The following VTI1A variants were observed in gnomAD, a reference collection of about 807,000 sequenced individuals.
The protein encoded by VTI1A is vesicle transport through interaction with t-SNAREs 1A.
In VTI1A, 22 loss-of-function variants were observed where a neutral mutation model predicts 34.9. The ratio of observed to expected loss-of-function variants is 0.63; its 90% CI spans 0.45 to 0.90. VTI1A has a LOEUF of 0.90. VTI1A is among the 40% of genes least tolerant of loss of function. The probability of loss-of-function intolerance (pLI) is 0.00; values close to 1 mark genes in which losing one functional copy is unlikely to be tolerated. For synonymous variants in VTI1A, 87 were observed against 97.3 expected, an observed-to-expected ratio of 0.89 and a Z score of 0.62; for missense variants, 268 against 275.6, an observed-to-expected ratio of 0.97 and a Z score of 0.20.
At chr10:112,598,685 A>G (rs996972524) in intron 5 of VTI1A, among the ~76,000 whole-genome samples, 2 of 152,232 alleles carry the variant, frequency 1.3e-5, no homozygotes, top group African/African-American at 2.4e-5. Context: ...ATGGAGAACA[A>G]TGGGGACCAA....
At position 112,679,535 on chromosome 10, in the gene VTI1A, G is replaced by A. The variant is rs76846506; in HGVS notation, c.560+10537G>A. Among the ~76,000 whole-genome samples the A allele has an allele frequency of 9.0e-3, 1,364 of 151,872 alleles. 26 individuals are homozygous for A. The highest frequency in any genetic ancestry group is 0.03 in the African/African-American group (1,261 of 41,418). On this transcript the variant is annotated intron_variant, in intron 7 of 7. Transcript: ENST00000393077. ...TCAGTGTTCTTTTAAAAAGGCTAAT[G>A]ACTTCTTTTGCAAAGTTATGTGAAG...
intron 5 of VTI1A, among the ~76,000 whole-genome samples, chr10:112,552,434 AAACC>A (rs200076397): frequency 6.6e-6 from 1 of 151,732 alleles, no homozygotes; most frequent in African/African-American, 2.4e-5. Context: ...TGAAACCAAC[AAACC>A]AACCAACCAA....
chr10:112,745,529 C>T (rs1462806954), intron 7 of VTI1A, among the ~76,000 whole-genome samples: 1 of 152,126 alleles, frequency 6.6e-6, no homozygotes, highest in Admixed American at 6.5e-5. Flanking sequence ...TGACCATCTC[C>T]AGCTCAACAC....
chr10:112,797,435 CCAAA>C (rs1852711231), intron 7 of VTI1A, among the ~76,000 whole-genome samples: 1 of 152,132 alleles, frequency 6.6e-6, no homozygotes, highest in East Asian at 1.9e-4. Context: ...TGTAAATCCC[CCAAA>C]CAAAGGGGAC....
chr10:112,737,890 C>T (rs1850553053), intron 7 of VTI1A: 1 of 1,062,434 alleles, frequency 9.4e-7, no homozygotes, highest in Non-Finnish European at 1.1e-6. Context: ...CGATGCCTTT[C>T]AGCGAGTGTG....
Position 112,751,063 on chromosome 10 carries a change from C to CTTTTATAT in VTI1A, c.561-64226_561-64225insTTTATATT, listed in dbSNP as rs1407695024. Among the ~76,000 whole-genome samples the CTTTTATAT allele has an allele frequency of 4.4e-4, 67 of 152,094 alleles. 1 individual carries two copies. Among genetic ancestry groups the CTTTTATAT allele is most frequent in the African/African-American group, 1.6e-3 (67 of 41,394 alleles). On this transcript the variant is annotated intron_variant, in intron 7 of 7. Transcript: ENST00000393077. ...TGTTCTCTTCCTTTTATATTGCCTC[C>CTTTTATAT]TGGATTTGGGTTGTTTTCCTTTATC... is the stretch of plus-strand genomic sequence containing the variant.
chr10:112,477,444 T>C (rs1248120160), intron 3 of VTI1A, among the ~76,000 whole-genome samples: 1 of 152,230 alleles, frequency 6.6e-6, no homozygotes, highest in Non-Finnish European at 1.5e-5. Flanking sequence ...CAGGTCAAGC[T>C]CCATCAAAGA....
At chr10:112,815,070 G>A (rs904375695) in intron 7 of VTI1A, among the ~76,000 whole-genome samples, 2 of 151,754 alleles carry the variant, frequency 1.3e-5, no homozygotes, top group African/African-American at 4.8e-5. Context: ...TGACAATCAT[G>A]TGGAGCCTTT....
chr10:112,627,177 T>C (rs1845953740), intron 5 of VTI1A, among the ~76,000 whole-genome samples: 1 of 152,206 alleles, frequency 6.6e-6, no homozygotes, highest in South Asian at 2.1e-4. Flanking sequence ...TACCCAACCC[T>C]ATTCAGAATC....
the VTI1A span, among the ~76,000 whole-genome samples, chr10:112,837,600 G>T: frequency 5.3e-5 from 8 of 152,184 alleles, no homozygotes; most frequent in Non-Finnish European, 1.0e-4. Flanking sequence ...CAATTCGCTG[G>T]CCCTCTGGGC....
At chr10:112,448,530 A>G (rs1042940287) in intron 1 of VTI1A, 1 of 152,238 alleles carries the variant, frequency 6.6e-6, no homozygotes, top group African/African-American at 2.4e-5. Flanking sequence ...GGTTTGTACA[A>G]TGTTGATTCG....
At chr10:112,518,196 A>T (rs1264415348) in intron 3 of VTI1A, among the ~76,000 whole-genome samples, 1 of 152,076 alleles carries the variant, frequency 6.6e-6, no homozygotes. Context: ...AAATGGAGTT[A>T]TTGCATGTAA....
intron 7 of VTI1A, among the ~76,000 whole-genome samples, chr10:112,804,664 T>A (rs1303242447): frequency 6.6e-6 from 1 of 152,010 alleles, no homozygotes; most frequent in East Asian, 1.9e-4. Context: ...GCCTTTGTCG[T>A]GAGGCTTCTG....
At chr10:112,561,828 CA>C (rs1211467150) in intron 5 of VTI1A, among the ~76,000 whole-genome samples, 1 of 151,872 alleles carries the variant, frequency 6.6e-6, no homozygotes, top group African/African-American at 2.4e-5. Context: ...AAGAATATTG[CA>C]AACTAAAGGC....
intron 5 of VTI1A, among the ~76,000 whole-genome samples, chr10:112,664,505 A>G (rs927098116): frequency 1.3e-5 from 2 of 152,184 alleles, no homozygotes; most frequent in Admixed American, 6.5e-5. Flanking sequence ...AAGCTCTTCA[A>G]ACTAAATCTT....
intron 5 of VTI1A, among the ~76,000 whole-genome samples, chr10:112,610,302 G>T (rs544382194): frequency 1.3e-5 from 2 of 151,900 alleles, no homozygotes; most frequent in African/African-American, 2.4e-5. Context: ...ATGATGAGCT[G>T]TTGTTGCCCT....
the VTI1A span, among the ~76,000 whole-genome samples, chr10:112,830,253 G>T: frequency 6.6e-6 from 1 of 151,910 alleles, no homozygotes; most frequent in Non-Finnish European, 1.5e-5. Context: ...TCCTTCCCAT[G>T]GCCCGTCCAG....
intron 5 of VTI1A, among the ~76,000 whole-genome samples, chr10:112,557,237 A>T (rs1851570901): frequency 6.6e-6 from 1 of 152,104 alleles, no homozygotes; most frequent in South Asian, 2.1e-4. Context: ...GATAAAATTG[A>T]TATGTTTAGT....
intron 5 of VTI1A, among the ~76,000 whole-genome samples, chr10:112,652,484 G>A (rs1847070705): frequency 6.6e-6 from 1 of 152,160 alleles, no homozygotes; most frequent in Non-Finnish European, 1.5e-5. Flanking sequence ...CCTTTGGGAG[G>A]CCGAGGCAGA....
Sources: allele counts gnomAD v4.1 joint callset (sites outside exome capture counted in the v4.1 genomes callset), GRCh38; gene constraint gnomAD v4.1.1; transcripts MANE v1.5; gene names NCBI Gene and HGNC (gene_info 2026-07-23, HGNC 2026-07-21).